The following CDCP1 variants were observed in gnomAD, a reference collection of about 807,000 sequenced individuals.
CDCP1 encodes CUB domain-containing protein 1.
Under a neutral mutation model 60.2 loss-of-function variants are expected in CDCP1, and 29 were observed. That is an observed-to-expected ratio of 0.48 (90% CI 0.36 to 0.66). The LOEUF is 0.66. Among genes scored for constraint, CDCP1 ranks in the 30% least tolerant of loss-of-function variants. CDCP1 has a pLI of 0.00. For synonymous variants in CDCP1, 387 were observed against 431.1 expected (o/e 0.90, Z 1.27); for missense variants, 876 against 1,074.3 (o/e 0.82, Z 2.58).
At chr3:45,114,549 G>A (rs1395694958) in intron 2 of CDCP1, among the ~76,000 whole-genome samples, 2 of 151,958 alleles carry the variant, frequency 1.3e-5, no homozygotes, top group Non-Finnish European at 2.9e-5. Context: ...CAAGTAGCTG[G>A]GACTATAGGT....
intron 4 of CDCP1, among the ~76,000 whole-genome samples, chr3:45,099,407 A>G (rs1246251866): frequency 6.6e-6 from 1 of 151,298 alleles, no homozygotes. Flanking sequence ...AAACTTTTTT[A>G]CCTCTTCTCT....
At chr3:45,108,445 T>C (rs1483021926) in intron 4 of CDCP1, among the ~76,000 whole-genome samples, 5 of 152,228 alleles carry the variant, frequency 3.3e-5, no homozygotes, top group Middle Eastern at 6.8e-3. Context: ...TTATAGCACG[T>C]TTAACAATTT....
chr3:45,110,922 G>A, intron 3 of CDCP1, 81 bp from the exon 4 acceptor site: 2 of 1,488,522 alleles, frequency 1.3e-6, no homozygotes, highest in Non-Finnish European at 1.8e-6. Context: ...AGGGGTGGGG[G>A]TGTAGGAAAA....
At chr3:45,132,330 T>C (rs1699114500) in intron 1 of CDCP1, among the ~76,000 whole-genome samples, 1 of 152,140 alleles carries the variant, frequency 6.6e-6, no homozygotes, top group Non-Finnish European at 1.5e-5. Flanking sequence ...CAGTTTAAAA[T>C]GAGCTTTTCC....
intron 1 of CDCP1, among the ~76,000 whole-genome samples, chr3:45,129,414 A>C (rs543945512): frequency 1.2e-4 from 18 of 152,378 alleles, no homozygotes; most frequent in African/African-American, 4.3e-4. Flanking sequence ...ACAGACTTTG[A>C]ACACGGGAAT....
intron 1 of CDCP1, among the ~76,000 whole-genome samples, chr3:45,123,134 T>G (rs192758576): frequency 6.6e-6 from 1 of 152,318 alleles, no homozygotes; most frequent in Admixed American, 6.5e-5. Context: ...TAATGCTACT[T>G]CTGTTGTTTC....
chr3:45,123,753 G>A (rs1412986788), intron 1 of CDCP1, among the ~76,000 whole-genome samples: 1 of 152,132 alleles, frequency 6.6e-6, no homozygotes, highest in Non-Finnish European at 1.5e-5. Context: ...ACAAATGCTT[G>A]GATCACATCT....
At chr3:45,113,334 T>C (rs535251937) in intron 2 of CDCP1, among the ~76,000 whole-genome samples, 1 of 152,326 alleles carries the variant, frequency 6.6e-6, no homozygotes, top group African/African-American at 2.4e-5. Context: ...GCTAATAACA[T>C]CCTTTGATAT....
At chr3:45,140,918 T>C (rs1404452863) in intron 1 of CDCP1, among the ~76,000 whole-genome samples, 1 of 152,194 alleles carries the variant, frequency 6.6e-6, no homozygotes, top group Non-Finnish European at 1.5e-5. Context: ...TGTCAGGATC[T>C]GGCTGGGCGT....
intron 7 of CDCP1, among the ~76,000 whole-genome samples, chr3:45,089,498 A>G (rs956522001): frequency 6.6e-5 from 10 of 152,312 alleles, no homozygotes; most frequent in African/African-American, 2.2e-4. Context: ...ACCGGGGAAA[A>G]AAATCAACCC....
chr3:45,089,165 CAG>C, intron 7 of CDCP1, 24 bp from the exon 8 acceptor site: 1 of 1,600,824 alleles, frequency 6.2e-7, no homozygotes, highest in Non-Finnish European at 8.6e-7. Flanking sequence ...CATAAAGAGA[CAG>C]ATGAAGAGGC....
At chr3:45,112,508 C>T (rs1698714948) in intron 2 of CDCP1, 63 bp from the exon 3 acceptor site, 1 of 1,566,272 alleles carries the variant, frequency 6.4e-7, no homozygotes, top group African/African-American at 1.3e-5. Context: ...ACCACTCCTC[C>T]TCCACCACTC....
At chr3:45,106,553 C>T (rs1182578688) in intron 4 of CDCP1, among the ~76,000 whole-genome samples, 2 of 152,160 alleles carry the variant, frequency 1.3e-5, no homozygotes, top group African/African-American at 4.8e-5. Context: ...TATGGAGGGC[C>T]TGGAATGTGT....
In CDCP1 at chr3:45,121,611, C is replaced by A. The variant is rs116369049; in HGVS notation, c.83-2990G>T. Among the ~76,000 whole-genome samples the A allele has an allele frequency of 4.7e-3, 718 of 151,854 alleles. 3 individuals carry two copies. Among genetic ancestry groups the A allele is most frequent in the African/African-American group, 0.016 (660 of 41,498 alleles). Reference sequence around the variant, plus strand: ...TATCCTTTATTTAAAAATTCCTGCCCCTATGATCATTATTTTAAATCAGTG... The same window carrying A: ...TATCCTTTATTTAAAAATTCCTGCCACTATGATCATTATTTTAAATCAGTG... On this transcript the variant is annotated intron_variant, in intron 1 of 8. Coordinates refer to ENST00000296129, the MANE Select transcript of CDCP1 (RefSeq NM_022842.5).
intron 7 of CDCP1, among the ~76,000 whole-genome samples, 173 bp from the exon 8 acceptor site, chr3:45,089,314 T>G (rs1287623955): frequency 6.6e-6 from 1 of 152,214 alleles, no homozygotes; most frequent in Non-Finnish European, 1.5e-5. Flanking sequence ...TTTCCTTTCC[T>G]CTTGGATCTG....
intron 1 of CDCP1, among the ~76,000 whole-genome samples, chr3:45,119,440 A>T (rs1157526315): frequency 6.6e-6 from 1 of 152,084 alleles, no homozygotes; most frequent in Non-Finnish European, 1.5e-5. Context: ...CCTATCTTGG[A>T]TTCTGATTAT....
chr3:45,110,941 A>G (rs1698681963), intron 3 of CDCP1, 100 bp from the exon 4 acceptor site: 1 of 1,342,088 alleles, frequency 7.5e-7, no homozygotes, highest in African/African-American at 1.5e-5. Flanking sequence ...AAATGACTGC[A>G]GTTCTCAGAT....
At chr3:45,132,743 C>T (rs1699120308) in intron 1 of CDCP1, among the ~76,000 whole-genome samples, 1 of 152,210 alleles carries the variant, frequency 6.6e-6, no homozygotes, top group Non-Finnish European at 1.5e-5. Context: ...TGTGCAAAGC[C>T]AGGCATGTGG....
chr3:45,088,882 G>A (rs73829913), intron 8 of CDCP1, among the ~76,000 whole-genome samples, 172 bp downstream of exon 8: 3,701 of 150,978 alleles, frequency 0.025, 160 homozygotes, highest in African/African-American at 0.086. Context: ...CCCAGGCATG[G>A]GATTTTTTTT....
Sources: allele counts gnomAD v4.1 joint callset (sites outside exome capture counted in the v4.1 genomes callset), GRCh38; gene constraint gnomAD v4.1.1; transcripts MANE v1.5; gene names NCBI Gene and HGNC (gene_info 2026-07-23, HGNC 2026-07-21).